CCNB3: variants seen among roughly 807,000 people sequenced by gnomAD.
The protein encoded by CCNB3 is G2/mitotic-specific cyclin-B3.
In CCNB3, 12 loss-of-function variants were observed where a neutral mutation model predicts 68.0. The ratio of observed to expected loss-of-function variants is 0.18; its 90% CI spans 0.11 to 0.29. The LOEUF is 0.29. CCNB3 is among the 10% of genes least tolerant of loss of function. The pLI is 1.00. For synonymous variants in CCNB3, 354 were observed against 388.9 expected (o/e 0.91, Z 1.06); for missense variants, 904 against 993.1 (o/e 0.91, Z 1.21).
chrX:50,331,999 G>T (rs1330919346), intron 8 of CCNB3, among the ~76,000 whole-genome samples: 1 of 111,271 alleles, frequency 9.0e-6, no homozygotes, highest in Non-Finnish European at 1.9e-5. Context: ...AATGACACAA[G>T]ACCAGTATCC....
chrX:50,298,127 T>G (rs1936522462), intron 5 of CCNB3, among the ~76,000 whole-genome samples: 1 of 111,636 alleles, frequency 9.0e-6, no homozygotes, highest in African/African-American at 3.3e-5. Flanking sequence ...CTTTATTTCC[T>G]TCTGCTGCCT....
intron 5 of CCNB3, among the ~76,000 whole-genome samples, chrX:50,302,597 A>G (rs187624278): frequency 6.6e-4 from 74 of 111,518 alleles, no homozygotes; most frequent in Non-Finnish European, 8.1e-4. Flanking sequence ...GAAACCCTGT[A>G]CCTTTGGTTA....
At chrX:50,216,823 G>A (rs1233817113) in intron 1 of CCNB3, among the ~76,000 whole-genome samples, 1 of 109,555 alleles carries the variant, frequency 9.1e-6, no homozygotes, top group Non-Finnish European at 1.9e-5. Context: ...TCTTCACATG[G>A]CTTTCACAGT....
At chrX:50,226,445 A>G (rs1262235584) in intron 1 of CCNB3, among the ~76,000 whole-genome samples, 3 of 72,149 alleles carry the variant, frequency 4.2e-5, no homozygotes, top group East Asian at 4.2e-4. Context: ...AAATATATAT[A>G]GAATATATAT....
At chrX:50,291,744 T>C (rs1362632155) in intron 4 of CCNB3, among the ~76,000 whole-genome samples, 4 of 111,516 alleles carry the variant, frequency 3.6e-5, no homozygotes, top group Non-Finnish European at 7.5e-5. Context: ...TCTTTTCCCA[T>C]TCTGAATCTT....
intron 1 of CCNB3, among the ~76,000 whole-genome samples, chrX:50,214,265 A>G (rs1306862812): frequency 1.0e-4 from 11 of 106,677 alleles, no homozygotes; most frequent in African/African-American, 3.7e-4. Flanking sequence ...GACTTCATTT[A>G]ATTGATTTTT....
chrX:50,319,346 T>C (rs1921897047), intron 8 of CCNB3, among the ~76,000 whole-genome samples: 1 of 111,860 alleles, frequency 8.9e-6, no homozygotes, highest in East Asian at 2.8e-4. Flanking sequence ...ATACATGTTT[T>C]GTTAGATTTA....
chrX:50,279,280 A>T (rs1397004911), intron 1 of CCNB3, among the ~76,000 whole-genome samples: 2 of 72,566 alleles, frequency 2.8e-5, no homozygotes, highest in Admixed American at 2.1e-4. Flanking sequence ...ATATATACAT[A>T]TTCATATATA....
chrX:50,226,677 T>C (rs1935829271), intron 1 of CCNB3, among the ~76,000 whole-genome samples: 3 of 81,020 alleles, frequency 3.7e-5, no homozygotes, highest in Non-Finnish European at 6.6e-5. Context: ...ATATAGAACA[T>C]ATCTATAAAT....
chrX:50,346,624 T>C, intron 9 of CCNB3, 28 bp from the exon 10 acceptor site: 3 of 1,191,860 alleles, frequency 2.5e-6, no homozygotes, highest in Non-Finnish European at 3.4e-6. Flanking sequence ...TCTGTCTGGT[T>C]GTCACCTCCT....
intron 8 of CCNB3, among the ~76,000 whole-genome samples, chrX:50,340,394 A>G (rs1923063814): frequency 1.8e-5 from 2 of 112,628 alleles, no homozygotes; most frequent in African/African-American, 3.2e-5. Context: ...ACATTCATGC[A>G]TTGGTTGAGT....
At chrX:50,338,691 A>T (rs1297729091) in intron 8 of CCNB3, among the ~76,000 whole-genome samples, 1 of 112,529 alleles carries the variant, frequency 8.9e-6, no homozygotes, top group Non-Finnish European at 1.9e-5. Flanking sequence ...ATTGGTCACA[A>T]GACAATATGA....
intron 1 of CCNB3, among the ~76,000 whole-genome samples, chrX:50,223,133 T>C (rs899994292): frequency 9.0e-6 from 1 of 110,948 alleles, no homozygotes; most frequent in Admixed American, 9.7e-5. Flanking sequence ...TGTTCTTCTC[T>C]AAACTGGTTA....
intron 9 of CCNB3, among the ~76,000 whole-genome samples, chrX:50,345,212 A>C (rs1923343085): frequency 9.8e-6 from 1 of 102,227 alleles, no homozygotes; most frequent in African/African-American, 3.7e-5. Context: ...GCCCTCCCTC[A>C]CTCTGTCCCT....
intron 8 of CCNB3, among the ~76,000 whole-genome samples, chrX:50,341,547 T>C (rs1421610708): frequency 1.0e-5 from 1 of 97,921 alleles, no homozygotes; most frequent in African/African-American, 3.8e-5. Context: ...AAAAAAAAAA[T>C]ACAAAAGATA....
chrX:50,321,935 T>A (rs782556042), intron 8 of CCNB3, among the ~76,000 whole-genome samples: 1 of 111,201 alleles, frequency 9.0e-6, no homozygotes, highest in South Asian at 3.8e-4. Context: ...TTTTAAAAAA[T>A]TTTCTTCATA....
intron 5 of CCNB3, among the ~76,000 whole-genome samples, chrX:50,306,120 G>A (rs1270132163): frequency 2.7e-5 from 3 of 109,706 alleles, no homozygotes; most frequent in Admixed American, 2.0e-4. Flanking sequence ...TCTAATTCAT[G>A]AATATGGATG....
chrX:50,288,780 A>G lies in CCNB3; in HGVS notation c.97A>G (p.Thr33Ala), dbSNP rs1557209692. ...VPSHHDPSEK[T>A]GENCQTKISP... is the part of the protein sequence containing the mutation. Reference sequence around the variant, plus strand: ...TCATTTACCTCTTTTACTTTTTTAGACGGGGGAGAATTGCCAAACGAAGAT... The same window carrying G: ...TCATTTACCTCTTTTACTTTTTTAGGCGGGGGAGAATTGCCAAACGAAGAT... The change falls in exon 4 of 13, where the codon ACG becomes GCG. Residue 33 changes from threonine to alanine, a missense_variant and splice_region_variant. By Grantham distance (58) the Thr-to-Ala change is moderately conservative. This residue lies in a region of CCNB3 where 619 missense variants were observed against 609.8 expected (regional missense o/e 1.02). Coordinates refer to ENST00000376042, the MANE Select transcript of CCNB3 (RefSeq NM_033031.3). 8.4e-7 allele frequency: 1 copy of G among 1,194,142 alleles called. No homozygotes were observed. The highest frequency in any genetic ancestry group is 2.2e-5 in the Admixed American group (1 of 45,838).
At chrX:50,344,299 C>T (rs1557220001) in intron 9 of CCNB3, among the ~76,000 whole-genome samples, 1 of 112,337 alleles carries the variant, frequency 8.9e-6, no homozygotes, top group Non-Finnish European at 1.9e-5. Flanking sequence ...TAACATATCC[C>T]TCTTGTTAAG....
Sources: allele counts gnomAD v4.1 joint callset (sites outside exome capture counted in the v4.1 genomes callset), GRCh38; gene constraint gnomAD v4.1.1; regional missense constraint gnomAD v4.1.1; transcripts MANE v1.5; gene names NCBI Gene and HGNC (gene_info 2026-07-23, HGNC 2026-07-21).